Variants in DCK observed in about 807,000 individuals in gnomAD.
The protein encoded by DCK is deoxycytidine kinase, also known as deoxyadenosine kinase.
Under a neutral mutation model 38.3 loss-of-function variants are expected in DCK, and 23 were observed. That is an observed-to-expected ratio of 0.60 (90% CI 0.43 to 0.85). The LOEUF (loss-of-function observed/expected upper bound fraction) is 0.85, where lower values mean the gene tolerates loss of function less well. Among genes scored for constraint, DCK ranks in the 40% least tolerant of loss-of-function variants. DCK has a pLI of 0.00. For synonymous variants in DCK, 108 were observed against 100.6 expected (o/e 1.07, Z -0.44); for missense variants, 259 against 304.4 (o/e 0.85, Z 1.11).
At chr4:70,994,478 GGCTATATC>G (rs1739614403) in intron 1 of DCK, among the ~76,000 whole-genome samples, 1 of 152,130 alleles carries the variant, frequency 6.6e-6, no homozygotes, top group Admixed American at 6.5e-5. Context: ...TGGAATCATA[GGCTATATC>G]GCCTTTTGTG....
intron 6 of DCK, 68 bp downstream of exon 6, chr4:71,026,823 C>A: frequency 1.3e-6 from 1 of 744,742 alleles, no homozygotes. Flanking sequence ...GGTGAGAAAA[C>A]AATTTTCTAA....
chr4:71,005,056 G>A (rs571224032), intron 2 of DCK, among the ~76,000 whole-genome samples: 7 of 152,250 alleles, frequency 4.6e-5, no homozygotes, highest in South Asian at 2.1e-4. Context: ...AGCTAACTCC[G>A]TGTCTGCCCA....
intron 2 of DCK, among the ~76,000 whole-genome samples, chr4:71,012,524 G>C (rs1740129185): frequency 6.6e-6 from 1 of 152,204 alleles, no homozygotes; most frequent in African/African-American, 2.4e-5. Flanking sequence ...CCCAGTAGGG[G>C]GAGACTGACA....
intron 2 of DCK, among the ~76,000 whole-genome samples, chr4:71,018,368 T>C (rs1483987945): frequency 6.6e-6 from 1 of 152,104 alleles, no homozygotes; most frequent in African/African-American, 2.4e-5. Flanking sequence ...GACCTTGTGA[T>C]CCACCCGCCT....
intron 1 of DCK, among the ~76,000 whole-genome samples, chr4:70,994,420 T>A (rs1578415918): frequency 6.6e-6 from 1 of 152,346 alleles, no homozygotes; most frequent in South Asian, 2.1e-4. Context: ...ACCCACTGAT[T>A]TGATTTCTAT....
In DCK at chr4:71,026,040, G is replaced by A. The variant is rs536086667; in HGVS notation, c.665+109G>A. 118 of 1,289,544 alleles carry A rather than the reference G, an allele frequency of 9.2e-5. No individual in the cohort carries two copies. The African/African-American group carries it at 1.2e-3, about 13-fold the overall frequency. 79.9% of individuals were successfully genotyped at this position (1,289,544 alleles called of 1,614,324 possible). ...CTAGCAATATGTAAAATTTCCAGTC[G>A]TTTTGCTTATTGGTATCTTCCAGAA... is the stretch of plus-strand genomic sequence containing the variant. On this transcript the variant is annotated intron_variant, in intron 5 of 6. Transcript: ENST00000286648.
chr4:71,026,635 ATTATT>A (rs1560689318), intron 5 of DCK, 25 bp from the exon 6 acceptor site: 2 of 1,040,342 alleles, frequency 1.9e-6, no homozygotes, highest in Non-Finnish European at 3.0e-6. Flanking sequence ...TGAATTTCTG[ATTATT>A]TTATTAATCT....
At chr4:71,008,405 T>C (rs1740000410) in intron 2 of DCK, among the ~76,000 whole-genome samples, 1 of 152,136 alleles carries the variant, frequency 6.6e-6, no homozygotes, top group African/African-American at 2.4e-5. Flanking sequence ...TGTTTATTAG[T>C]CATTTTGATT....
rs1442804251 is a variant in DCK at position 70,998,023 on chromosome 4, T to G, written c.92-44T>G. Reference sequence around the variant, plus strand: ...CTAATGACTACTTGACATCTTTTTTTCCTGACAACTTTTCTTCCTCAATTT... The same window carrying G: ...CTAATGACTACTTGACATCTTTTTTGCCTGACAACTTTTCTTCCTCAATTT... On this transcript the variant is annotated intron_variant, in intron 1 of 6. Transcript: ENST00000286648. The G allele has an allele frequency of 2.8e-6, 3 of 1,053,646 alleles. No individual in the cohort carries two copies. The Admixed American group carries it at 6.4e-5, about 22-fold the overall frequency. 65.3% of individuals were successfully genotyped at this position (1,053,646 alleles called of 1,614,324 possible).
intron 1 of DCK, among the ~76,000 whole-genome samples, chr4:70,994,401 T>G (rs1739611658): frequency 6.6e-6 from 1 of 152,182 alleles, no homozygotes; most frequent in East Asian, 1.9e-4. Context: ...ACCCTTCCTA[T>G]TCCCTGGCAC....
intron 1 of DCK, among the ~76,000 whole-genome samples, chr4:70,996,275 G>A (rs1462890452): frequency 3.3e-5 from 5 of 151,784 alleles, no homozygotes; most frequent in African/African-American, 1.2e-4. Flanking sequence ...CTGAGGTGGA[G>A]ATCTTTGAGA....
At chr4:71,027,685 A>T (rs1048310504) in intron 6 of DCK, among the ~76,000 whole-genome samples, 3 of 152,056 alleles carry the variant, frequency 2.0e-5, no homozygotes, top group Admixed American at 6.5e-5. Flanking sequence ...TAACTACTGT[A>T]GCGTATACAT....
In DCK at chr4:71,026,793, T is replaced by A. The variant is rs1740557620; in HGVS notation, c.756+38T>A. 2.8e-6 allele frequency: 3 copies of A among 1,073,230 alleles called. No individual in the cohort carries two copies. In the African/African-American group the frequency reaches 4.8e-5, roughly 17 times the overall value. 66.5% of individuals were successfully genotyped at this position (1,073,230 alleles called of 1,614,324 possible). A position where few individuals can be genotyped will look rare whatever the true frequency, so the allele number is the denominator to read the frequency against. On this transcript the variant is annotated intron_variant, in intron 6 of 6. Coordinates refer to ENST00000286648, the MANE Select transcript of DCK (RefSeq NM_000788.3). ...AGACTACAAACAAATATTTGTTTTTTCTAAAAAAGTGTACTGAGTGGTGAG... is the reference window on the plus strand; with the variant it reads ...AGACTACAAACAAATATTTGTTTTTACTAAAAAAGTGTACTGAGTGGTGAG...
chr4:71,001,805 G>A (rs972743656), intron 2 of DCK, among the ~76,000 whole-genome samples: 5 of 152,108 alleles, frequency 3.3e-5, no homozygotes, highest in Non-Finnish European at 7.4e-5. Flanking sequence ...ATGGTAGTTT[G>A]TATTTCTGTG....
chr4:71,006,914 T>TA, intron 2 of DCK, among the ~76,000 whole-genome samples: 1 of 152,132 alleles, frequency 6.6e-6, no homozygotes, highest in South Asian at 2.1e-4. Context: ...AAAAAGTATC[T>TA]AAAAAAATTT....
Position 71,022,482 on chromosome 4 carries a change from A to T in DCK, c.323A>T (p.Gln108Leu). The change falls in exon 3 of 7, where the codon CAG (glutamine) becomes CTG (leucine). Residue 108 changes from glutamine (Q) to leucine (L), a missense_variant. Physicochemically the swap from Gln to Leu is moderately radical, Grantham distance 113 (BLOSUM62 -2). Transcript: ENST00000286648. ...GCCTGTCTCAGTCGAATAAGAGCTC[A>T]GCTTGCCTCTCTGAATGGCAAGCTC... ...TYACLSRIRA[Q>L]LASLNGKLKD... 6.2e-7 allele frequency: 1 copy of T among 1,609,734 alleles called. No homozygotes were observed. Among genetic ancestry groups the T allele is most frequent in the Non-Finnish European group, 8.5e-7 (1 of 1,178,418 alleles).
intron 2 of DCK, among the ~76,000 whole-genome samples, chr4:71,004,528 G>T (rs542808667): frequency 5.3e-5 from 8 of 152,352 alleles, no homozygotes; most frequent in African/African-American, 1.7e-4. Context: ...CAGCAGGCAG[G>T]ATTGTTTAAG....
chr4:71,014,565 CTG>C (rs1740202496), intron 2 of DCK, among the ~76,000 whole-genome samples: 1 of 144,360 alleles, frequency 6.9e-6, no homozygotes, highest in African/African-American at 2.5e-5. Context: ...TTATAAAAAA[CTG>C]TCTCTCAGAC....
At chr4:71,010,396 G>A (rs1176368341) in intron 2 of DCK, among the ~76,000 whole-genome samples, 1 of 150,816 alleles carries the variant, frequency 6.6e-6, no homozygotes, top group Non-Finnish European at 1.5e-5. Context: ...TTTATGTGGT[G>A]ATTTATGTTA....
Sources: gnomAD v4.1 joint callset for allele counts (sites outside exome capture counted in the v4.1 genomes callset) on GRCh38, gnomAD v4.1.1 for gene constraint, MANE v1.5 for transcripts, NCBI Gene and HGNC (gene_info 2026-07-23, HGNC 2026-07-21) for gene names.